Variants in ATP2C1 observed in about 807,000 individuals in gnomAD.
The protein encoded by ATP2C1 is ATPase secretory pathway Ca2+ transporting 1.
In ATP2C1, 31 loss-of-function variants were observed where a neutral mutation model predicts 120.5. The observed-to-expected ratio is 0.26, with a 90% confidence interval of 0.19 to 0.35. The LOEUF is 0.35. Ranked by LOEUF, ATP2C1 falls within the 10% of genes least tolerant of loss-of-function variation. The pLI is 1.00. For missense variants in ATP2C1, 731 were observed against 1,107.5 expected, an observed-to-expected ratio of 0.66 and a Z score of 4.83; for synonymous variants, 351 against 358.7, an observed-to-expected ratio of 0.98 and a Z score of 0.24.
intron 1 of ATP2C1, among the ~76,000 whole-genome samples, chr3:130,881,074 C>T (rs1161039358): frequency 2.6e-5 from 4 of 152,174 alleles, no homozygotes; most frequent in African/African-American, 7.2e-5. Flanking sequence ...TCCCAAAGCA[C>T]TCCCACATCC....
At chr3:130,953,198 C>T (rs746544923) in intron 8 of ATP2C1, among the ~76,000 whole-genome samples, 1 of 151,262 alleles carries the variant, frequency 6.6e-6, no homozygotes, top group Non-Finnish European at 1.5e-5. Flanking sequence ...TAGGTAAATA[C>T]TGTGTCAGGA....
Position 130,894,152 on chromosome 3 carries a change from C to G in ATP2C1, c.-366C>G. On this transcript the variant is annotated 5_prime_UTR_variant, in exon 1 of 28. Coordinates refer to ENST00000510168, the MANE Select transcript of ATP2C1 (RefSeq NM_001378687.1). This position sits in a 1 kb window ranked among gnomAD's most constrained non-coding sequence, Gnocchi z 4.5. ...GGTCCCCTCACCTCCTCTTCTCTCC[C>G]CTCCCCGCCCGCCCTCTCTCCCTCC... 1 of 560,244 alleles carries G rather than the reference C, an allele frequency of 1.8e-6. No individual in the cohort carries two copies. Among genetic ancestry groups the G allele is most frequent in the Non-Finnish European group, 2.3e-6 (1 of 441,400 alleles). The allele number at this position is 560,244 out of a possible 1,614,324, so 34.7% of individuals were successfully genotyped here. A position where few individuals can be genotyped will look rare whatever the true frequency, so the allele number is the denominator to read the frequency against.
chr3:131,012,252 T>C (rs2109034573), intron 26 of ATP2C1, among the ~76,000 whole-genome samples: 1 of 104,524 alleles, frequency 9.6e-6, no homozygotes, highest in Non-Finnish European at 2.1e-5. Context: ...ACATGGTTTT[T>C]CTTTTTTCTT....
chr3:130,903,904 A>C (rs548192278), intron 2 of ATP2C1, among the ~76,000 whole-genome samples: 2 of 152,170 alleles, frequency 1.3e-5, no homozygotes, highest in East Asian at 3.9e-4. Flanking sequence ...CAAACCTAGA[A>C]TAATTTATAC....
intron 1 of ATP2C1, among the ~76,000 whole-genome samples, chr3:130,872,555 C>A (rs1189323303): frequency 6.6e-6 from 1 of 150,990 alleles, no homozygotes; most frequent in Non-Finnish European, 1.5e-5. Flanking sequence ...ATTCATGAGA[C>A]TACACTCCCA....
chr3:130,865,956 T>A (rs569974602), intron 1 of ATP2C1, among the ~76,000 whole-genome samples: 1 of 152,198 alleles, frequency 6.6e-6, no homozygotes, highest in Non-Finnish European at 1.5e-5. Flanking sequence ...TATATTGACC[T>A]TTTTTGCTGA....
At chr3:130,987,410 C>T (rs1395791760) in intron 20 of ATP2C1, among the ~76,000 whole-genome samples, 1 of 152,188 alleles carries the variant, frequency 6.6e-6, no homozygotes, top group African/African-American at 2.4e-5. Context: ...CTCCTGGGTT[C>T]AGGTGATCTC....
At chr3:130,941,032 A>AG (rs11455520) in intron 7 of ATP2C1, among the ~76,000 whole-genome samples, 67,951 of 148,142 alleles carry the variant, frequency 0.46, 18,187 homozygotes, top group Middle Eastern at 0.65. Context: ...TTCTTGCCTC[A>AG]GCCTCCTGAG....
chr3:130,875,413 T>A (rs1190581037), intron 1 of ATP2C1, among the ~76,000 whole-genome samples: 2 of 152,208 alleles, frequency 1.3e-5, no homozygotes, highest in Non-Finnish European at 2.9e-5. Flanking sequence ...TCACTTAACA[T>A]AACATCCTCC....
intron 26 of ATP2C1, chr3:131,014,365 G>A: frequency 6.2e-7 from 1 of 1,604,854 alleles, no homozygotes; most frequent in South Asian, 1.1e-5. Flanking sequence ...CATAGTCCGT[G>A]CACCAGGCTT....
intron 16 of ATP2C1, 48 bp downstream of exon 16, chr3:130,967,467 C>T (rs1437084224): frequency 6.9e-7 from 1 of 1,444,340 alleles, no homozygotes; most frequent in East Asian, 2.3e-5. Context: ...ACTGCCCTCA[C>T]AACAGAATGC....
chr3:130,872,310 ACT>A (rs1302352420), intron 1 of ATP2C1, among the ~76,000 whole-genome samples: 3 of 152,074 alleles, frequency 2.0e-5, no homozygotes, highest in Non-Finnish European at 4.4e-5. Context: ...AATTATAAAG[ACT>A]CTGAATAACA....
intron 1 of ATP2C1, chr3:130,854,376 G>C (rs1431991305): frequency 1.3e-5 from 2 of 152,242 alleles, no homozygotes; most frequent in African/African-American, 2.4e-5. Context: ...AGTCTCAGAT[G>C]AGTTTGAGTA....
chr3:130,992,159 A>G (rs1414185745), intron 20 of ATP2C1, among the ~76,000 whole-genome samples: 5 of 152,176 alleles, frequency 3.3e-5, no homozygotes, highest in Non-Finnish European at 5.9e-5. Context: ...AGGTTTTATG[A>G]AGGGAGAATA....
intron 14 of ATP2C1, among the ~76,000 whole-genome samples, chr3:130,966,078 G>A (rs2061037173): frequency 6.6e-6 from 1 of 152,104 alleles, no homozygotes; most frequent in Non-Finnish European, 1.5e-5. Flanking sequence ...CTTATGTTGG[G>A]TACAGTGATT....
At chr3:130,919,798 G>T (rs2108238050) in intron 2 of ATP2C1, among the ~76,000 whole-genome samples, 1 of 152,312 alleles carries the variant, frequency 6.6e-6, no homozygotes, top group East Asian at 1.9e-4. Context: ...GCACCATTTT[G>T]CATTCCCACC....
At chr3:130,905,189 A>G (rs758091906) in intron 2 of ATP2C1, among the ~76,000 whole-genome samples, 4 of 152,024 alleles carry the variant, frequency 2.6e-5, no homozygotes, top group Non-Finnish European at 5.9e-5. Context: ...ACTGGGTGTC[A>G]TTGCTTCTAG....
intron 4 of ATP2C1, among the ~76,000 whole-genome samples, chr3:130,933,098 T>G (rs1559940277): frequency 6.6e-6 from 1 of 152,218 alleles, no homozygotes; most frequent in African/African-American, 2.4e-5. Flanking sequence ...ATGATTTGAC[T>G]TATCCCTAGG....
chr3:130,904,882 A>G (rs1440685909), intron 2 of ATP2C1, among the ~76,000 whole-genome samples: 1 of 152,044 alleles, frequency 6.6e-6, no homozygotes, highest in East Asian at 1.9e-4. Flanking sequence ...ATTTATTTAC[A>G]TGGCTTTGTG....
Sources: allele counts gnomAD v4.1 joint callset (sites outside exome capture counted in the v4.1 genomes callset), GRCh38; gene constraint gnomAD v4.1.1; non-coding constraint Gnocchi (gnomAD v3.1); transcripts MANE v1.5; gene names NCBI Gene and HGNC (gene_info 2026-07-23, HGNC 2026-07-21).